The following NLGN1 variants were observed in gnomAD, a reference collection of about 807,000 sequenced individuals.
NLGN1 encodes neuroligin 1.
NLGN1 carries 12 observed loss-of-function variants against 65.5 expected under a neutral mutation model. The ratio of observed to expected loss-of-function variants is 0.18; its 90% CI spans 0.12 to 0.30. NLGN1 has a LOEUF of 0.30. NLGN1 is among the 10% of genes least tolerant of loss of function. NLGN1 has a pLI of 1.00. For synonymous variants in NLGN1, 350 were observed against 359.5 expected (o/e 0.97, Z 0.30); for missense variants, 750 against 1,007.1 (o/e 0.74, Z 3.46).
At position 173,863,036 on chromosome 3, in the gene NLGN1, TG is replaced by T. The variant is rs542427274; in HGVS notation, c.646+55205del. Among the ~76,000 whole-genome samples, 31 of 152,316 alleles carry T rather than the reference TG, an allele frequency of 2.0e-4. No homozygotes were observed. In the East Asian group the frequency reaches 5.8e-3, roughly 28 times the overall value. Reference sequence around the variant, plus strand: ...GTTGTGCTAAAATATGTTAAAGCTTTGTTTTGTTAAATAGTCTATGTGAACC... The same window carrying T: ...GTTGTGCTAAAATATGTTAAAGCTTTTTTTGTTAAATAGTCTATGTGAACC... On this transcript the variant is annotated intron_variant, in intron 4 of 6. Transcript: ENST00000457714.
In NLGN1 at chr3:173,823,919, T is replaced by A. The variant is rs569057084; in HGVS notation, c.646+16087T>A. On this transcript the variant is annotated intron_variant, in intron 4 of 6. Coordinates refer to ENST00000457714, the Ensembl canonical transcript of NLGN1. Reference sequence around the variant, plus strand: ...AAATAATGTTATTTTCTTGTTAATTTAAAAAAAAAAAACAAATCTTTTTTA... The same window carrying A: ...AAATAATGTTATTTTCTTGTTAATTAAAAAAAAAAAAACAAATCTTTTTTA... 1.8e-4 allele frequency among the ~76,000 whole-genome samples: 27 copies of A among 148,492 alleles called. No individual in the cohort carries two copies. The East Asian group carries it at 4.1e-3, about 23-fold the overall frequency.
chr3:173,502,183 A>T (rs1361576013), intron 2 of NLGN1, among the ~76,000 whole-genome samples: 1 of 152,070 alleles, frequency 6.6e-6, no homozygotes. Context: ...TATTATCAAG[A>T]GTGGATATTC....
chr3:174,040,216 TA>T (rs577668022), intron 4 of NLGN1, among the ~76,000 whole-genome samples: 73 of 152,240 alleles, frequency 4.8e-4, no homozygotes, highest in African/African-American at 1.7e-3. Context: ...TAAAGAAGGC[TA>T]AATGCTCACC....
At chr3:173,605,629 A>C in intron 3 of NLGN1, 36 bp downstream of exon 3, 1 of 1,057,956 alleles carries the variant, frequency 9.5e-7, no homozygotes, top group Non-Finnish European at 1.3e-6. Context: ...ATGGGGGAAA[A>C]AGCTTGCAGA....
chr3:173,991,522 A>G (rs566978510), intron 4 of NLGN1, among the ~76,000 whole-genome samples: 5 of 152,278 alleles, frequency 3.3e-5, no homozygotes, highest in African/African-American at 4.8e-5. Context: ...ACACGTGTCT[A>G]TTGAGCACTT....
At chr3:173,911,829 C>A (rs1163730168) in intron 4 of NLGN1, among the ~76,000 whole-genome samples, 1 of 152,154 alleles carries the variant, frequency 6.6e-6, no homozygotes, top group East Asian at 1.9e-4. Context: ...TTTATGCTGG[C>A]TAAAAGGATC....
chr3:174,137,820 A>G (rs539166352), intron 4 of NLGN1, among the ~76,000 whole-genome samples: 1 of 152,306 alleles, frequency 6.6e-6, no homozygotes, highest in East Asian at 1.9e-4. Flanking sequence ...TTAGGTAGAA[A>G]GGGGCATTAC....
intron 4 of NLGN1, among the ~76,000 whole-genome samples, chr3:173,886,116 C>A (rs1432526536): frequency 6.6e-6 from 1 of 152,096 alleles, no homozygotes; most frequent in Non-Finnish European, 1.5e-5. Flanking sequence ...TATGCAACCA[C>A]TACCAATATT....
chr3:174,066,424 G>A (rs1206634089), intron 4 of NLGN1, among the ~76,000 whole-genome samples: 2 of 151,884 alleles, frequency 1.3e-5, no homozygotes, highest in African/African-American at 4.8e-5. Context: ...AAGGTTAAGT[G>A]TGGTTTTACA....
intron 4 of NLGN1, among the ~76,000 whole-genome samples, chr3:174,031,021 G>A (rs546846761): frequency 6.6e-6 from 1 of 152,306 alleles, no homozygotes; most frequent in South Asian, 2.1e-4. Flanking sequence ...AGAAATTTAA[G>A]GGAAGGCTTA....
chr3:173,960,665 A>G (rs1027266201), intron 4 of NLGN1, among the ~76,000 whole-genome samples: 4 of 151,968 alleles, frequency 2.6e-5, no homozygotes, highest in Non-Finnish European at 5.9e-5. Context: ...TAAACTATAC[A>G]AAGAAAAATA....
chr3:174,178,962 T>C lies in NLGN1; in HGVS notation c.647-96353T>C, dbSNP rs373998377. The stretch of plus-strand genomic sequence containing the variant: ...TGAAATCATTCTGTGGTAAAAAGAA[T>C]ACATGATTCAAATTCATTTTAACTA... On this transcript the variant is annotated intron_variant, in intron 4 of 6. Coordinates refer to ENST00000457714, the Ensembl canonical transcript of NLGN1. 1.9e-4 allele frequency among the ~76,000 whole-genome samples: 29 copies of C among 152,258 alleles called. No homozygotes were observed. In the East Asian group the frequency reaches 3.3e-3, roughly 17 times the overall value.
At chr3:173,720,206 TA>T (rs1770592731) in intron 3 of NLGN1, among the ~76,000 whole-genome samples, 1 of 152,162 alleles carries the variant, frequency 6.6e-6, no homozygotes, top group Non-Finnish European at 1.5e-5. Flanking sequence ...CTGAATGTGG[TA>T]AACAAAATCT....
rs370540730 is a variant in NLGN1 at position 173,446,555 on chromosome 3, A to G, written c.-321+11477A>G. 1.2e-4 allele frequency among the ~76,000 whole-genome samples: 18 copies of G among 152,266 alleles called. No homozygotes were observed. In the East Asian group the frequency reaches 2.9e-3, roughly 24 times the overall value. On this transcript the variant is annotated intron_variant, in intron 2 of 6. Transcript: ENST00000457714. ...GTGCATGTGTCTTTATAGCAGCATG[A>G]TTTACAATCCTTTGGGTATATACCC...
Position 173,807,666 on chromosome 3 carries a change from C to A in NLGN1, c.494-14C>A. 6 of 1,610,418 alleles carry A rather than the reference C, an allele frequency of 3.7e-6. No homozygotes were observed. The highest frequency in any genetic ancestry group is 1.7e-5 in the Admixed American group (1 of 59,604). On this transcript the variant is annotated splice_polypyrimidine_tract_variant and intron_variant, in intron 3 of 6. Coordinates refer to ENST00000457714, the Ensembl canonical transcript of NLGN1. The stretch of plus-strand genomic sequence containing the variant: ...TTTGAGGATAAGAACGATTGCCAAC[C>A]ATTTGTTTTCCAGATATTCGGGACA...
chr3:173,445,282 A>AC (rs1157689436), intron 2 of NLGN1, among the ~76,000 whole-genome samples: 7 of 149,444 alleles, frequency 4.7e-5, no homozygotes, highest in African/African-American at 1.7e-4. Flanking sequence ...AAAAAAAAAA[A>AC]AAAAAAAAAA....
chr3:173,696,373 T>G (rs1243261160), intron 3 of NLGN1, among the ~76,000 whole-genome samples: 2 of 152,172 alleles, frequency 1.3e-5, no homozygotes, highest in Non-Finnish European at 2.9e-5. Context: ...TGGCTATGTT[T>G]TAGATCCCTA....
chr3:173,413,764 G>A (rs1488009234), intron 1 of NLGN1, among the ~76,000 whole-genome samples: 2 of 152,032 alleles, frequency 1.3e-5, no homozygotes, highest in Non-Finnish European at 2.9e-5. Flanking sequence ...AGAAGTTCAG[G>A]GCCAGAGCAG....
intron 4 of NLGN1, among the ~76,000 whole-genome samples, chr3:174,229,637 T>C (rs1320697414): frequency 6.6e-6 from 1 of 152,210 alleles, no homozygotes; most frequent in South Asian, 2.1e-4. Flanking sequence ...GGCAGATATA[T>C]GTATTTGCAG....
Sources: allele counts gnomAD v4.1 joint callset (sites outside exome capture counted in the v4.1 genomes callset), GRCh38; gene constraint gnomAD v4.1.1; transcripts MANE v1.5; gene names NCBI Gene and HGNC (gene_info 2026-07-23, HGNC 2026-07-21).